CTNNA3: variants seen among roughly 807,000 people sequenced by gnomAD.
CTNNA3 encodes catenin alpha-3.
In CTNNA3, 76 loss-of-function variants were observed where a neutral mutation model predicts 95.7. The ratio of observed to expected loss-of-function variants is 0.79; its 90% CI spans 0.66 to 0.96. The LOEUF (loss-of-function observed/expected upper bound fraction) is 0.96, where lower values mean the gene tolerates loss of function less well. CTNNA3 is among the 40% of genes least tolerant of loss of function. The pLI, the probability that CTNNA3 is intolerant of heterozygous loss-of-function variation, is 0.00. For missense variants in CTNNA3, 1,191 were observed against 1,089.8 expected, an observed-to-expected ratio of 1.09 and a Z score of -1.31; for synonymous variants, 431 against 374.4, an observed-to-expected ratio of 1.15 and a Z score of -1.74.
In CTNNA3 at chr10:66,565,796, T is replaced by A. The variant is rs774023092; in HGVS notation, c.1375-45023A>T. ...CTCTCATTGCACTGATCTCTCCTTG[T>A]GAATAAACATTTTCATTATTTGATT... On this transcript the variant is annotated intron_variant, in intron 10 of 17. Coordinates refer to ENST00000433211, the MANE Select transcript of CTNNA3 (RefSeq NM_013266.4). 1.1e-4 allele frequency among the ~76,000 whole-genome samples: 17 copies of A among 152,310 alleles called. No homozygotes were observed. The East Asian group carries it at 3.3e-3, about 29-fold the overall frequency.
chr10:67,493,141 C>T (rs1838907003), intron 5 of CTNNA3, among the ~76,000 whole-genome samples: 1 of 149,562 alleles, frequency 6.7e-6, no homozygotes, highest in South Asian at 2.1e-4. Flanking sequence ...TTTTAAAAGG[C>T]GGGGGTTGCC....
chr10:67,154,084 T>C (rs1861195434), intron 7 of CTNNA3, among the ~76,000 whole-genome samples: 1 of 152,136 alleles, frequency 6.6e-6, no homozygotes, highest in Admixed American at 6.5e-5. Flanking sequence ...ATATCCAATG[T>C]ATAAGTATTT....
intron 12 of CTNNA3, among the ~76,000 whole-genome samples, chr10:66,356,942 C>T (rs1442206144): frequency 1.3e-5 from 2 of 152,006 alleles, no homozygotes; most frequent in African/African-American, 2.4e-5. Flanking sequence ...ACGGTCCTTG[C>T]ATCCTTGAGA....
chr10:66,211,195 T>C (rs2088130998), intron 13 of CTNNA3, among the ~76,000 whole-genome samples: 2 of 152,150 alleles, frequency 1.3e-5, no homozygotes, highest in Admixed American at 6.5e-5. Flanking sequence ...AATTCACAAA[T>C]GGACATTTTG....
chr10:67,737,938 A>G (rs188892573), intron 1 of CTNNA3, among the ~76,000 whole-genome samples: 3 of 152,344 alleles, frequency 2.0e-5, no homozygotes, highest in Admixed American at 2.0e-4. Context: ...TCATGCTGCT[A>G]CAAAGACACC....
At chr10:67,206,961 T>C (rs1010243275) in intron 6 of CTNNA3, among the ~76,000 whole-genome samples, 2 of 151,966 alleles carry the variant, frequency 1.3e-5, no homozygotes, top group South Asian at 4.2e-4. Flanking sequence ...TGAAACCCCG[T>C]CTCTACTAAA....
At chr10:66,209,604 A>T (rs76903794) in intron 13 of CTNNA3, among the ~76,000 whole-genome samples, 1 of 152,192 alleles carries the variant, frequency 6.6e-6, no homozygotes, top group Non-Finnish European at 1.5e-5. Flanking sequence ...GGAATAAACA[A>T]AATAGAGTAG....
At chr10:66,211,380 C>T (rs901154412) in intron 13 of CTNNA3, among the ~76,000 whole-genome samples, 1 of 152,138 alleles carries the variant, frequency 6.6e-6, no homozygotes, top group Non-Finnish European at 1.5e-5. Flanking sequence ...ATCCTTGAAG[C>T]AATTATTTTA....
chr10:66,906,671 G>A (rs1239554970), intron 7 of CTNNA3, among the ~76,000 whole-genome samples: 1 of 152,016 alleles, frequency 6.6e-6, no homozygotes, highest in Non-Finnish European at 1.5e-5. Flanking sequence ...GTTTGTGTGT[G>A]CATATTGAAT....
chr10:66,387,973 A>G (rs540786071), intron 11 of CTNNA3, among the ~76,000 whole-genome samples: 25 of 152,118 alleles, frequency 1.6e-4, no homozygotes, highest in Non-Finnish European at 3.1e-4. Context: ...GAGGGATAAC[A>G]TTAGGAGAAA....
intron 11 of CTNNA3, among the ~76,000 whole-genome samples, chr10:66,509,389 A>G (rs958291714): frequency 6.6e-6 from 1 of 151,998 alleles, no homozygotes; most frequent in African/African-American, 2.4e-5. Context: ...GTAGTTTTAT[A>G]TAGTCTGATT....
chr10:66,927,007 G>T lies in CTNNA3; in HGVS notation c.1048-151483C>A. 6.2e-7 allele frequency: 1 copy of T among 1,614,056 alleles called. No homozygotes were observed. The highest frequency in any genetic ancestry group is 8.5e-7 in the Non-Finnish European group (1 of 1,180,024). On this transcript the variant is annotated intron_variant, in intron 7 of 17. Coordinates refer to ENST00000433211, the MANE Select transcript of CTNNA3 (RefSeq NM_013266.4). The surrounding 1 kb of genome is among the most constrained non-coding windows in gnomAD (Gnocchi z 4.7). ...CTTACTGACAATGCTTTCTTCTGCC[G>T]AACGAGGATGCCCTAAGGGCTGTAG...
chr10:66,460,210 C>T (rs934044248), intron 11 of CTNNA3, among the ~76,000 whole-genome samples: 3 of 152,114 alleles, frequency 2.0e-5, no homozygotes, highest in African/African-American at 7.2e-5. Context: ...GTACAGCAAG[C>T]CTTCACTCAC....
intron 7 of CTNNA3, among the ~76,000 whole-genome samples, chr10:66,776,376 G>C (rs1012264809): frequency 6.6e-5 from 10 of 152,164 alleles, no homozygotes; most frequent in Admixed American, 5.2e-4. Context: ...AGGAAGGCAA[G>C]TTTAAGCAGC....
At chr10:66,885,554 T>C (rs1189674196) in intron 7 of CTNNA3, among the ~76,000 whole-genome samples, 3 of 151,858 alleles carry the variant, frequency 2.0e-5, no homozygotes, top group African/African-American at 7.3e-5. Flanking sequence ...AATGAGTCTG[T>C]TAGAGAAACA....
intron 5 of CTNNA3, among the ~76,000 whole-genome samples, chr10:67,470,958 T>A (rs772539690): frequency 5.9e-5 from 9 of 152,062 alleles, no homozygotes; most frequent in Non-Finnish European, 8.8e-5. Flanking sequence ...TTTTTGTCTT[T>A]TTTATTTATT....
At chr10:67,151,280 A>T (rs1176808253) in intron 7 of CTNNA3, among the ~76,000 whole-genome samples, 3 of 152,176 alleles carry the variant, frequency 2.0e-5, no homozygotes, top group Non-Finnish European at 4.4e-5. Context: ...ATCTGTATGT[A>T]GAACCACGAG....
At chr10:66,215,067 G>A (rs1481857390) in intron 13 of CTNNA3, among the ~76,000 whole-genome samples, 1 of 150,266 alleles carries the variant, frequency 6.7e-6, no homozygotes, top group Non-Finnish European at 1.5e-5. Flanking sequence ...TGAAAAAAAA[G>A]GAAGACTTGA....
At position 66,976,570 on chromosome 10, in the gene CTNNA3, T is replaced by C. The variant is rs567601812; in HGVS notation, c.1048-201046A>G. ...ATGACATCATCTCTTCCTAAAAATCTACAGTGACTTCCCTAAAGAAAAATG... is the reference window on the plus strand; with the variant it reads ...ATGACATCATCTCTTCCTAAAAATCCACAGTGACTTCCCTAAAGAAAAATG... On this transcript the variant is annotated intron_variant, in intron 7 of 17. Coordinates refer to ENST00000433211, the MANE Select transcript of CTNNA3 (RefSeq NM_013266.4). 4.7e-4 allele frequency among the ~76,000 whole-genome samples: 72 copies of C among 152,318 alleles called. No individual in the cohort carries two copies. The South Asian group carries it at 0.014, about 31-fold the overall frequency.
Sources: allele counts gnomAD v4.1 joint callset (sites outside exome capture counted in the v4.1 genomes callset), GRCh38; gene constraint gnomAD v4.1.1; non-coding constraint Gnocchi (gnomAD v3.1); transcripts MANE v1.5; gene names NCBI Gene and HGNC (gene_info 2026-07-23, HGNC 2026-07-21).